KIAA0753: variants seen among roughly 807,000 people sequenced by gnomAD.
KIAA0753 encodes the protein protein moonraker.
In KIAA0753, 114 loss-of-function variants were observed where a neutral mutation model predicts 116.9. The ratio of observed to expected loss-of-function variants is 0.98; its 90% CI spans 0.84 to 1.14. The LOEUF is 1.14. Ranked by LOEUF, KIAA0753 falls within the 50% of genes most tolerant of loss-of-function variation. The probability of loss-of-function intolerance (pLI) is 0.00; values close to 1 mark genes in which losing one functional copy is unlikely to be tolerated. For synonymous variants in KIAA0753, 405 were observed against 413.1 expected (o/e 0.98, Z 0.24); for missense variants, 1,156 against 1,172.4 (o/e 0.99, Z 0.20).
chr17:6,605,674 A>G (rs1447679060), intron 12 of KIAA0753, among the ~76,000 whole-genome samples: 3 of 152,058 alleles, frequency 2.0e-5, no homozygotes, highest in Non-Finnish European at 4.4e-5. Context: ...AGAGTAATGA[A>G]AAGATCAACA....
Position 6,579,754 on chromosome 17 carries a change from G to C in KIAA0753, c.2897C>G (p.Ala966Gly). Residue 966 changes from alanine to glycine, a missense_variant, in exon 19 of 19, where the codon GCT (alanine) becomes GGT (glycine). Physicochemically the swap from Ala to Gly is moderately conservative, Grantham distance 60. Transcript: ENST00000361413. ...CCTCGCCTCAGAGAGCCTTTATGTA[G>C]CAGCCTCTAAGAATTCTGAGGTGAA... ...AVFTSEFLEA[A>G]T The C allele has an allele frequency of 6.2e-7, 1 of 1,609,270 alleles. No individual in the cohort carries two copies. The highest frequency in any genetic ancestry group is 1.1e-5 in the South Asian group (1 of 90,982).
In KIAA0753 at chr17:6,621,050, C is replaced by T. The variant is rs747537301; in HGVS notation, c.1105-52G>A. The T allele has an allele frequency of 1.9e-6, 3 of 1,547,030 alleles. No individual in the cohort carries two copies. The South Asian group carries it at 3.4e-5, about 18-fold the overall frequency. The stretch of plus-strand genomic sequence containing the variant: ...CTTAGTTTATCTCGCAAAAGTATGA[C>T]TTTTAATCACAAAACTGAAAATAAG... On this transcript the variant is annotated intron_variant, in intron 6 of 18. Transcript: ENST00000361413.
In KIAA0753 at chr17:6,599,185, A is replaced by G. The variant is rs116634546; in HGVS notation, c.2172+52T>C. 2.7e-3 allele frequency: 3,317 copies of G among 1,234,790 alleles called. 73 individuals are homozygous for G. In the African/African-American group the frequency reaches 0.044, roughly 17 times the overall value. The allele number at this position is 1,234,790 out of a possible 1,614,324, so 76.5% of individuals were successfully genotyped here. A position where few individuals can be genotyped will look rare whatever the true frequency, so the allele number is the denominator to read the frequency against. ...TCTGTATTTCATTTTCATTACAACT[A>G]AAGATGTTATCAAGCAATAATACCA... On this transcript the variant is annotated intron_variant, in intron 14 of 18. Coordinates refer to ENST00000361413, the MANE Select transcript of KIAA0753 (RefSeq NM_014804.3).
chr17:6,631,457 G>T (rs1405402049), intron 2 of KIAA0753, among the ~76,000 whole-genome samples: 1 of 152,150 alleles, frequency 6.6e-6, no homozygotes, highest in East Asian at 1.9e-4. Context: ...TTCATGCTCT[G>T]GGACAAGGGA....
At chr17:6,599,792 T>C (rs1969733030) in intron 13 of KIAA0753, among the ~76,000 whole-genome samples, 1 of 152,212 alleles carries the variant, frequency 6.6e-6, no homozygotes, top group Non-Finnish European at 1.5e-5. Context: ...GGACCCCGAA[T>C]GTCATTCATT....
At position 6,620,991 on chromosome 17, in the gene KIAA0753, T is replaced by G; in HGVS notation, c.1112A>C (p.Glu371Ala). ...IDILQQIEALESLLEKKLSPK... is the reference protein window; with the variant it reads ...IDILQQIEALASLLEKKLSPK... Reference sequence around the variant, plus strand: ...TGACAGTTTCTTTTCCAGGAGAGATTCCAAAGCCTGCCACAAAAACAATCA... The same window carrying G: ...TGACAGTTTCTTTTCCAGGAGAGATGCCAAAGCCTGCCACAAAAACAATCA... The change falls in exon 7 of 19, where the codon GAA becomes GCA. Residue 371 changes from glutamate (E) to alanine (A), a missense_variant. Physicochemically the swap from Glu to Ala is moderately radical, Grantham distance 107. Transcript: ENST00000361413. 6.2e-7 allele frequency: 1 copy of G among 1,612,210 alleles called. No individual in the cohort carries two copies. Among genetic ancestry groups the G allele is most frequent in the Non-Finnish European group, 8.5e-7 (1 of 1,179,768 alleles).
intron 10 of KIAA0753, among the ~76,000 whole-genome samples, chr17:6,608,101 T>A (rs907722734): frequency 6.6e-6 from 1 of 152,194 alleles, no homozygotes; most frequent in Non-Finnish European, 1.5e-5. Context: ...AACTAGCAAG[T>A]GATATATAAT....
At chr17:6,632,532 G>A (rs908338921) in intron 2 of KIAA0753, among the ~76,000 whole-genome samples, 2 of 152,140 alleles carry the variant, frequency 1.3e-5, no homozygotes, top group East Asian at 3.9e-4. Context: ...ACTGATTCAG[G>A]CAAAAATGCT....
intron 12 of KIAA0753, among the ~76,000 whole-genome samples, chr17:6,606,120 CA>C (rs1970179679): frequency 6.6e-6 from 1 of 152,098 alleles, no homozygotes; most frequent in South Asian, 2.1e-4. Context: ...AGAGAGGAGC[CA>C]AAAGCCTCAG....
chr17:6,609,940 T>A (rs935632175), intron 9 of KIAA0753, 54 bp downstream of exon 9: 2 of 1,587,124 alleles, frequency 1.3e-6, no homozygotes, highest in South Asian at 1.1e-5. Flanking sequence ...ACCTTTGATA[T>A]ATGGAGGAAA....
chr17:6,608,445 T>A lies in KIAA0753; in HGVS notation c.1732A>T (p.Lys578Ter). Reference sequence around the variant, plus strand: ...TTTGTGGCATCTCTGGGGCTAGTTTTCACCTTTAGCCATGCAGCACTGAAA... The same window carrying A: ...TTTGTGGCATCTCTGGGGCTAGTTTACACCTTTAGCCATGCAGCACTGAAA... ...SPKCAAWLKV[K>*]TSPRDATKEP... The change falls in exon 10 of 19, where the codon AAA becomes TAA. Residue 578 changes from lysine to a stop codon, truncating the protein, a stop_gained. Transcript: ENST00000361413. LOFTEE classifies it high-confidence loss of function. The A allele has an allele frequency of 6.4e-7, 1 of 1,555,200 alleles. No individual in the cohort carries two copies. The highest frequency in any genetic ancestry group is 1.8e-5 in the Admixed American group (1 of 54,454).
At chr17:6,618,048 G>A (rs1429510030) in intron 7 of KIAA0753, among the ~76,000 whole-genome samples, 2 of 152,102 alleles carry the variant, frequency 1.3e-5, no homozygotes, top group Non-Finnish European at 2.9e-5. Context: ...GTTGCAGTGA[G>A]CCAAGATCAC....
rs113781471 is a variant in KIAA0753, at chr17:6,626,105, T to C, written c.719-1244A>G. 7.7e-3 allele frequency among the ~76,000 whole-genome samples: 1,170 copies of C among 152,380 alleles called. 12 individuals are homozygous for C. Among genetic ancestry groups the C allele is most frequent in the African/African-American group, 0.026 (1,068 of 41,606 alleles). On this transcript the variant is annotated intron_variant, in intron 3 of 18. Coordinates refer to ENST00000361413, the MANE Select transcript of KIAA0753 (RefSeq NM_014804.3). ...GTCTTCATGTATTTCTCAGGAAGCA[T>C]ACCCTTGTACACACTGGTACTCTAT...
At chr17:6,580,928 AC>A (rs577264382) in intron 18 of KIAA0753, among the ~76,000 whole-genome samples, 41 of 144,092 alleles carry the variant, frequency 2.8e-4, no homozygotes, top group African/African-American at 9.8e-4. Flanking sequence ...ACACACACAC[AC>A]ACCTTCATTT....
chr17:6,604,331 T>C (rs1970059790), intron 12 of KIAA0753, among the ~76,000 whole-genome samples: 1 of 151,932 alleles, frequency 6.6e-6, no homozygotes, highest in South Asian at 2.1e-4. Context: ...AGCCTCGACT[T>C]CCCAGGCTCA....
rs1458325377 is a variant in KIAA0753, at chr17:6,606,942, T to C, written c.1940A>G (p.Glu647Gly). The C allele has an allele frequency of 6.2e-7, 1 of 1,614,002 alleles. No homozygotes were observed. Among genetic ancestry groups the C allele is most frequent in the Non-Finnish European group, 8.5e-7 (1 of 1,179,992 alleles). Reference sequence around the variant, plus strand: ...CAGTTCCTTTGTTCTTCTAGAAGTTTCAGCATCAAGCCAATCAAGCCTAGA... The same window carrying C: ...CAGTTCCTTTGTTCTTCTAGAAGTTCCAGCATCAAGCCAATCAAGCCTAGA... Reference protein sequence around the residue: ...QKQRLDWLDAETSRRTKELNE... With the variant: ...QKQRLDWLDAGTSRRTKELNE... The change falls in exon 12 of 19, where the codon GAA (glutamate) becomes GGA (glycine). Residue 647 changes from glutamate (E) to glycine (G), a missense_variant. Transcript: ENST00000361413.
Position 6,622,903 on chromosome 17 carries a change from T to C in KIAA0753, c.1083A>G (p.Ile361Met). Residue 361 changes from isoleucine to methionine, a missense_variant, in exon 6 of 19, where the codon ATA becomes ATG. Ile to Met is a conservative substitution (Grantham distance 10). Coordinates refer to ENST00000361413, the MANE Select transcript of KIAA0753 (RefSeq NM_014804.3). ...ATACCTCAATTTGTTGCAGAATATCTATAACCACATCAGGAACAGAAGGGT... is the reference window on the plus strand; with the variant it reads ...ATACCTCAATTTGTTGCAGAATATCCATAACCACATCAGGAACAGAAGGGT... Reference protein sequence around the residue: ...DADPSVPDVVIDILQQIEALE... With the variant: ...DADPSVPDVVMDILQQIEALE... 1 of 1,614,026 alleles carries C rather than the reference T, an allele frequency of 6.2e-7. No individual in the cohort carries two copies. Among genetic ancestry groups the C allele is most frequent in the Non-Finnish European group, 8.5e-7 (1 of 1,179,864 alleles).
intron 4 of KIAA0753, 127 bp from the exon 5 acceptor site, chr17:6,623,698 G>A: frequency 7.5e-7 from 1 of 1,338,018 alleles, no homozygotes; most frequent in Non-Finnish European, 9.7e-7. Context: ...ACTTGAAAAT[G>A]AAAAAAAGGC....
chr17:6,637,610 T>G (rs577986339), intron 1 of KIAA0753: 1 of 152,546 alleles, frequency 6.6e-6, no homozygotes, highest in Admixed American at 6.6e-5. Flanking sequence ...CCCACAGCCA[T>G]GGACACTCCT....
Sources: gnomAD v4.1 joint callset for allele counts (sites outside exome capture counted in the v4.1 genomes callset) on GRCh38, gnomAD v4.1.1 for gene constraint, MANE v1.5 for transcripts, NCBI Gene and HGNC (gene_info 2026-07-23, HGNC 2026-07-21) for gene names.